The following PLAC1 variants were observed in gnomAD, a reference collection of about 807,000 sequenced individuals.
PLAC1 encodes the protein placenta associated 1, also known as placenta-specific protein 1.
For synonymous variants in PLAC1, 68 were observed against 62.1 expected, an observed-to-expected ratio of 1.09 and a Z score of -0.44; for missense variants, 136 against 163.2, an observed-to-expected ratio of 0.83 and a Z score of 0.91.
chrX:134,673,705 TGGATGGTTA>T (rs2078463906), intron 2 of PLAC1, among the ~76,000 whole-genome samples: 1 of 111,330 alleles, frequency 9.0e-6, no homozygotes, highest in East Asian at 2.8e-4. Flanking sequence ...GAGAGATTTG[TGGATGGTTA>T]GGCTGACACT....
chrX:134,689,665 G>A (rs1404961254), intron 2 of PLAC1, among the ~76,000 whole-genome samples: 5 of 111,616 alleles, frequency 4.5e-5, no homozygotes. Context: ...CTCAATGTGT[G>A]ATGTTGGGCA....
chrX:134,696,845 T>C (rs759823470), intron 2 of PLAC1, among the ~76,000 whole-genome samples: 2 of 109,164 alleles, frequency 1.8e-5, no homozygotes, highest in African/African-American at 6.7e-5. Flanking sequence ...TGGCTAACTC[T>C]GTGAAAACCC....
intron 1 of PLAC1, among the ~76,000 whole-genome samples, chrX:134,613,950 C>G (rs922123928): frequency 9.1e-6 from 1 of 110,495 alleles, no homozygotes; most frequent in African/African-American, 3.3e-5. Context: ...CCTCTTTAAT[C>G]AAAATTACCA....
intron 1 of PLAC1, among the ~76,000 whole-genome samples, chrX:134,613,004 TCACTCATATTTCTGAAAGAAATGCTC>T (rs1421133519): frequency 2.7e-5 from 3 of 110,339 alleles, no homozygotes; most frequent in Non-Finnish European, 5.7e-5. Context: ...TGAAACCACC[TCACTCATATTTCTGAAAGAAATGCTC>T]AAATCTGAGA....
At chrX:134,586,640 C>T (rs1282263390) in intron 2 of PLAC1, among the ~76,000 whole-genome samples, 1 of 108,402 alleles carries the variant, frequency 9.2e-6, no homozygotes, top group Non-Finnish European at 1.9e-5. Flanking sequence ...CTTCCTTCTC[C>T]TCGCTAACAT....
At chrX:134,744,281 CAAAA>C (rs779609449) in intron 1 of PLAC1, among the ~76,000 whole-genome samples, 1 of 51,438 alleles carries the variant, frequency 1.9e-5, no homozygotes. Flanking sequence ...GACTCCATCT[CAAAA>C]AAAAAAAAAA....
chrX:134,736,763 C>T (rs1277083891), intron 1 of PLAC1, among the ~76,000 whole-genome samples: 1 of 112,320 alleles, frequency 8.9e-6, no homozygotes, highest in Non-Finnish European at 1.9e-5. Context: ...GGCACAGCTG[C>T]AGGCTCCTAA....
chrX:134,697,036 A>AC (rs1416163385), intron 2 of PLAC1, among the ~76,000 whole-genome samples: 2 of 109,120 alleles, frequency 1.8e-5, no homozygotes, highest in African/African-American at 6.7e-5. Context: ...CCATCTCAAA[A>AC]AAAAAAAAAG....
intron 1 of PLAC1, among the ~76,000 whole-genome samples, chrX:134,750,859 ATTTTT>A (rs2078741026): frequency 4.1e-5 from 1 of 24,263 alleles, no homozygotes; most frequent in African/African-American, 3.9e-4. Flanking sequence ...ATATATATAT[ATTTTT>A]ATATATATAT....
chrX:134,650,212 T>C (rs957575412), intron 1 of PLAC1, among the ~76,000 whole-genome samples: 4 of 112,427 alleles, frequency 3.6e-5, no homozygotes, highest in Non-Finnish European at 7.5e-5. Flanking sequence ...TTCTGAAATT[T>C]CCCATGTCAT....
intron 2 of PLAC1, chrX:134,733,324 AG>A (rs1317867782): frequency 9.1e-6 from 1 of 110,003 alleles, no homozygotes; most frequent in East Asian, 2.8e-4. Flanking sequence ...AAAGTAACCC[AG>A]GGTTGGCCTT....
chrX:134,663,876 T>G (rs1450334829), intron 2 of PLAC1, among the ~76,000 whole-genome samples: 1 of 111,781 alleles, frequency 8.9e-6, no homozygotes, highest in Admixed American at 9.5e-5. Context: ...AATTAATAAA[T>G]CTTTTTGTTG....
chrX:134,608,682 T>TTTTC (rs1442724679), intron 1 of PLAC1, among the ~76,000 whole-genome samples: 8 of 14,112 alleles, frequency 5.7e-4, no homozygotes, highest in African/African-American at 3.1e-3. Context: ...CTTTTTTCTT[T>TTTTC]TTTTTTTTTT....
intron 2 of PLAC1, among the ~76,000 whole-genome samples, chrX:134,587,818 A>G (rs908224845): frequency 8.9e-6 from 1 of 112,155 alleles, no homozygotes; most frequent in Admixed American, 9.4e-5. Flanking sequence ...AGGCATCTTA[A>G]GGTTGTTCAT....
At chrX:134,717,183 C>T (rs752951173) in intron 2 of PLAC1, among the ~76,000 whole-genome samples, 2 of 111,484 alleles carry the variant, frequency 1.8e-5, no homozygotes, top group South Asian at 3.8e-4. Context: ...GTGCTGGGTA[C>T]GTGTGCGTTC....
chrX:134,742,764 A>G (rs1405834534), intron 1 of PLAC1, among the ~76,000 whole-genome samples: 1 of 110,856 alleles, frequency 9.0e-6, no homozygotes, highest in Non-Finnish European at 1.9e-5. Context: ...CCCCTCCTGC[A>G]TTGGAATCCT....
rs781318497 is a variant in PLAC1, at chrX:134,740,044, A to G, written n.90-6525T>C. On this transcript the variant is annotated intron_variant and non_coding_transcript_variant, in intron 1 of 2. Coordinates refer to the PLAC1 transcript ENST00000466797. ...TGTGATAAAGTCATTCAGGCTGTGC[A>G]TGGTGGCTCATGCCTGTAATCCCAG... is the stretch of plus-strand genomic sequence containing the variant. Among the ~76,000 whole-genome samples, 3 of 112,195 alleles carry G rather than the reference A, an allele frequency of 2.7e-5. No individual in the cohort carries two copies. In the Admixed American group the frequency reaches 2.8e-4, roughly 11 times the overall value.
At chrX:134,736,064 T>C (rs1437693914) in intron 1 of PLAC1, among the ~76,000 whole-genome samples, 2 of 109,863 alleles carry the variant, frequency 1.8e-5, no homozygotes, top group East Asian at 5.7e-4. Flanking sequence ...GATCATAAGA[T>C]TGAGAGATCG....
intron 2 of PLAC1, among the ~76,000 whole-genome samples, chrX:134,585,175 CA>C (rs56343935): frequency 0.26 from 8,612 of 32,895 alleles, 430 homozygotes; most frequent in South Asian, 0.4. Flanking sequence ...ACTAAAAGTA[CA>C]AAAAAAAAAA....
Sources: allele counts gnomAD v4.1 joint callset (sites outside exome capture counted in the v4.1 genomes callset), GRCh38; gene constraint gnomAD v4.1.1; transcripts MANE v1.5; gene names NCBI Gene and HGNC (gene_info 2026-07-23, HGNC 2026-07-21).